Variants in KRABD1 observed in about 807,000 individuals in gnomAD.
KRABD1 encodes KRAB domain-containing protein 1.
At chr3:42,940,889 G>A in the KRABD1 span, among the ~76,000 whole-genome samples, 1 of 152,172 alleles carries the variant, frequency 6.6e-6, no homozygotes, top group African/African-American at 2.4e-5. Context: ...AGCTATGTTC[G>A]GGGGTCAGTT....
At chr3:42,941,455 A>C in the KRABD1 span, 159 of 1,265,314 alleles carry the variant, frequency 1.3e-4, 2 homozygotes, top group South Asian at 2.3e-3. Context: ...GTTGCCAGGT[A>C]TAGAAAGCCC....
the KRABD1 span, chr3:42,937,021 T>A: frequency 6.6e-6 from 1 of 152,214 alleles, no homozygotes; most frequent in Non-Finnish European, 1.5e-5. Flanking sequence ...CTCATAAGAA[T>A]GTTAAATCTA....
At chr3:42,937,776 A>G in the KRABD1 span, 1 of 151,908 alleles carries the variant, frequency 6.6e-6, no homozygotes, top group Non-Finnish European at 1.5e-5. Context: ...AGCTTCCTCT[A>G]CCTTCCTGAA....
At chr3:42,942,063 G>C in the KRABD1 span, 15 of 1,534,728 alleles carry the variant, frequency 9.8e-6, no homozygotes, top group South Asian at 1.7e-4. Flanking sequence ...TGGAGAGCAG[G>C]CTGGATAGGT....
chr3:42,942,218 A>T, the KRABD1 span: 1 of 646,322 alleles, frequency 1.5e-6, no homozygotes, highest in Non-Finnish European at 2.8e-6. Flanking sequence ...TGTGTTATTC[A>T]TAGCTTCCCA....
the KRABD1 span, chr3:42,941,914 T>C: frequency 8.1e-7 from 1 of 1,236,860 alleles, no homozygotes; most frequent in Non-Finnish European, 1.1e-6. Flanking sequence ...TTGACCCCTA[T>C]GACTATGCTC....
the KRABD1 span, chr3:42,941,155 G>T: frequency 6.9e-7 from 1 of 1,445,722 alleles, no homozygotes; most frequent in African/African-American, 1.4e-5. Context: ...GCCCTTCTCA[G>T]GTCTCTCATT....
chr3:42,941,731 C>T, the KRABD1 span, among the ~76,000 whole-genome samples: 2 of 151,986 alleles, frequency 1.3e-5, no homozygotes, highest in South Asian at 4.1e-4. Flanking sequence ...AATCTTGTTG[C>T]CCTTTAAATA....
At chr3:42,941,912 T>C in the KRABD1 span, 5 of 1,218,602 alleles carry the variant, frequency 4.1e-6, no homozygotes, top group Non-Finnish European at 5.8e-6. Context: ...ATTTGACCCC[T>C]ATGACTATGC....
At chr3:42,938,130 T>C in the KRABD1 span, 1 of 152,190 alleles carries the variant, frequency 6.6e-6, no homozygotes, top group South Asian at 2.1e-4. Flanking sequence ...AGTTTAGAAA[T>C]GAAATTGTTT....
the KRABD1 span, chr3:42,941,252 T>A: frequency 6.3e-7 from 1 of 1,574,828 alleles, no homozygotes. Flanking sequence ...AGGACGTGGC[T>A]GTGTACTTCA....
chr3:42,938,641 C>T, the KRABD1 span: 2 of 360,164 alleles, frequency 5.6e-6, no homozygotes, highest in South Asian at 5.9e-5. Context: ...TTTCTCAGTC[C>T]ACTTTTTCAT....
At chr3:42,942,741 TG>T in the KRABD1 span, 1 of 426,398 alleles carries the variant, frequency 2.3e-6, no homozygotes, top group African/African-American at 2.0e-5. Flanking sequence ...TTCTGTAGAC[TG>T]GTAGATTTAA....
chr3:42,941,433 G>A, the KRABD1 span: 3 of 1,410,162 alleles, frequency 2.1e-6, no homozygotes, highest in South Asian at 4.5e-5. Flanking sequence ...ACCCCAAATA[G>A]CGATGTCAAA....
At chr3:42,942,076 G>T in the KRABD1 span, 8 of 1,525,328 alleles carry the variant, frequency 5.2e-6, no homozygotes, top group African/African-American at 1.1e-4. Context: ...GGATAGGTGA[G>T]TTAAGCAAGA....
At chr3:42,942,609 C>T in the KRABD1 span, 8 of 1,438,846 alleles carry the variant, frequency 5.6e-6, no homozygotes, top group South Asian at 1.5e-5. Context: ...AAAAATTTTT[C>T]GAAATCGTCA....
chr3:42,939,372 C>G, the KRABD1 span, among the ~76,000 whole-genome samples: 1 of 152,194 alleles, frequency 6.6e-6, no homozygotes, highest in East Asian at 1.9e-4. Flanking sequence ...TGTCTGTGAA[C>G]TTCACTGACG....
At chr3:42,942,677 G>C in the KRABD1 span, 1 of 877,758 alleles carries the variant, frequency 1.1e-6, no homozygotes, top group Admixed American at 2.7e-5. Context: ...AGTTTTCCAA[G>C]TAAGGAGTTG....
At chr3:42,939,491 C>G in the KRABD1 span, among the ~76,000 whole-genome samples, 4 of 152,016 alleles carry the variant, frequency 2.6e-5, no homozygotes, top group African/African-American at 9.7e-5. Flanking sequence ...TGGTTGTTCC[C>G]ATTTTGGGCT....
Sources: allele counts gnomAD v4.1 joint callset (sites outside exome capture counted in the v4.1 genomes callset), GRCh38; gene constraint gnomAD v4.1.1; transcripts MANE v1.5; gene names NCBI Gene and HGNC (gene_info 2026-07-23, HGNC 2026-07-21).